Variants in CYYR1 observed in about 807,000 individuals in gnomAD.
The protein encoded by CYYR1 is cysteine and tyrosine rich 1.
A neutral mutation model predicts 15.2 loss-of-function variants in CYYR1; 14 were observed. That is an observed-to-expected ratio of 0.92 (90% CI 0.61 to 1.44). The LOEUF is 1.44. Ranked by LOEUF, CYYR1 falls within the 40% of genes most tolerant of loss-of-function variation. The pLI is 0.00. For synonymous variants in CYYR1, 80 were observed against 77.4 expected (o/e 1.03, Z -0.18); for missense variants, 228 against 209.5 (o/e 1.09, Z -0.54).
intron 2 of CYYR1, among the ~76,000 whole-genome samples, chr21:26,546,490 A>G (rs1249629986): frequency 1.3e-5 from 2 of 152,152 alleles, no homozygotes; most frequent in African/African-American, 4.8e-5. Context: ...CTATTCCTAT[A>G]TTGGAATGGC....
Position 26,495,723 on chromosome 21 carries a change from G to GT in CYYR1, c.177-15295dup, listed in dbSNP as rs551678321. On this transcript the variant is annotated intron_variant, in intron 2 of 3. Coordinates refer to ENST00000652641, the MANE Select transcript of CYYR1 (RefSeq NM_001320768.2). ...GTTGACGTGATCAAGAAATGAAAGTGTATTTGGCTAAGCCACAGAGATTTC... is the reference window on the plus strand; with the variant it reads ...GTTGACGTGATCAAGAAATGAAAGTGTTATTTGGCTAAGCCACAGAGATTTC... Among the ~76,000 whole-genome samples, 7 of 152,320 alleles carry GT rather than the reference G, an allele frequency of 4.6e-5. No individual in the cohort carries two copies. The East Asian group carries it at 1.2e-3, about 25-fold the overall frequency.
intron 2 of CYYR1, among the ~76,000 whole-genome samples, chr21:26,562,763 G>T (rs1179192575): frequency 1.8e-5 from 2 of 111,070 alleles, no homozygotes; most frequent in East Asian, 2.6e-4. Context: ...CACACACAGA[G>T]ACATACACAA....
At chr21:26,493,325 T>C (rs1042909396) in intron 2 of CYYR1, among the ~76,000 whole-genome samples, 18 of 152,114 alleles carry the variant, frequency 1.2e-4, no homozygotes, top group Middle Eastern at 3.2e-3. Context: ...GAGAGTGGAT[T>C]TGATGGGTAC....
intron 2 of CYYR1, among the ~76,000 whole-genome samples, chr21:26,491,884 T>C (rs1295251946): frequency 1.3e-5 from 2 of 152,154 alleles, no homozygotes; most frequent in Non-Finnish European, 2.9e-5. Context: ...CTGTGACTGA[T>C]CGCTGTCTGC....
chr21:26,543,909 A>T (rs1043032773), intron 2 of CYYR1, among the ~76,000 whole-genome samples: 123 of 151,974 alleles, frequency 8.1e-4, no homozygotes, highest in African/African-American at 2.7e-3. Flanking sequence ...CCATCTCAAA[A>T]AATAATAATA....
chr21:26,538,666 C>T (rs1233097784), intron 2 of CYYR1, among the ~76,000 whole-genome samples: 1 of 152,064 alleles, frequency 6.6e-6, no homozygotes. Flanking sequence ...CAGAAAAACC[C>T]CATTTGGGAG....
At chr21:26,495,423 A>C (rs759242041) in intron 2 of CYYR1, among the ~76,000 whole-genome samples, 2 of 152,212 alleles carry the variant, frequency 1.3e-5, no homozygotes, top group Non-Finnish European at 2.9e-5. Context: ...ACTTTTCCCA[A>C]CAGACTTAAA....
intron 2 of CYYR1, chr21:26,482,500 G>C (rs1224065193): frequency 1.0e-6 from 1 of 985,068 alleles, no homozygotes; most frequent in Admixed American, 6.2e-5. Context: ...CCTGTTTGCT[G>C]GTCCTCACAT....
At chr21:26,520,000 A>C (rs1043815118) in intron 2 of CYYR1, among the ~76,000 whole-genome samples, 50 of 151,802 alleles carry the variant, frequency 3.3e-4, no homozygotes, top group Non-Finnish European at 3.5e-4. Flanking sequence ...TCAATGACGG[A>C]TTGGAAAAAG....
intron 2 of CYYR1, among the ~76,000 whole-genome samples, chr21:26,542,370 G>C (rs1041181395): frequency 2.7e-5 from 4 of 150,456 alleles, no homozygotes; most frequent in African/African-American, 9.7e-5. Context: ...TTTAAATTTT[G>C]AAAATTTATC....
At chr21:26,524,895 T>C (rs973269382) in intron 2 of CYYR1, among the ~76,000 whole-genome samples, 7 of 152,188 alleles carry the variant, frequency 4.6e-5, no homozygotes, top group African/African-American at 1.7e-4. Context: ...GTCAATGTCA[T>C]GCTCACTTTA....
At chr21:26,495,354 T>C (rs1046814910) in intron 2 of CYYR1, among the ~76,000 whole-genome samples, 1 of 152,166 alleles carries the variant, frequency 6.6e-6, no homozygotes, top group Non-Finnish European at 1.5e-5. Context: ...TTGCCAAATA[T>C]CTGCGCTAGG....
At chr21:26,541,737 G>A (rs1978561254) in intron 2 of CYYR1, among the ~76,000 whole-genome samples, 1 of 152,144 alleles carries the variant, frequency 6.6e-6, no homozygotes, top group Non-Finnish European at 1.5e-5. Flanking sequence ...TGTAATAAAC[G>A]TGAAAATACA....
chr21:26,499,155 T>G (rs1188561748), intron 2 of CYYR1, among the ~76,000 whole-genome samples: 1 of 152,248 alleles, frequency 6.6e-6, no homozygotes, highest in East Asian at 1.9e-4. Flanking sequence ...TCTAATTCCC[T>G]GAACCATATT....
Position 26,497,968 on chromosome 21 carries a change from T to C in CYYR1, c.177-17539A>G, listed in dbSNP as rs189836828. Among the ~76,000 whole-genome samples the C allele has an allele frequency of 4.6e-3, 699 of 152,326 alleles. 6 individuals carry two copies. Among genetic ancestry groups the C allele is most frequent in the African/African-American group, 0.012 (482 of 41,592 alleles). On this transcript the variant is annotated intron_variant, in intron 2 of 3. Transcript: ENST00000652641. ...TGTCTTATTCAGGTGACATATGTCA[T>C]TTGTATCATATGTTTTTATTTGGTT...
chr21:26,516,676 G>A (rs1204455735), intron 2 of CYYR1, among the ~76,000 whole-genome samples: 1 of 152,132 alleles, frequency 6.6e-6, no homozygotes, highest in Non-Finnish European at 1.5e-5. Context: ...TTGGCCTCTG[G>A]AATGTTTGAT....
intron 2 of CYYR1, among the ~76,000 whole-genome samples, chr21:26,506,094 A>T (rs187337958): frequency 3.3e-5 from 5 of 152,274 alleles, no homozygotes; most frequent in Admixed American, 3.3e-4. Flanking sequence ...CATTGTGCCC[A>T]TTACAGTCAA....
At chr21:26,540,199 ACAACTG>A (rs1474165225) in intron 2 of CYYR1, among the ~76,000 whole-genome samples, 1 of 152,202 alleles carries the variant, frequency 6.6e-6, no homozygotes, top group East Asian at 1.9e-4. Flanking sequence ...ACCACGGATC[ACAACTG>A]CAAGCTCTTA....
At chr21:26,504,830 T>A (rs1393357907) in intron 2 of CYYR1, among the ~76,000 whole-genome samples, 3 of 152,168 alleles carry the variant, frequency 2.0e-5, no homozygotes, top group Non-Finnish European at 4.4e-5. Flanking sequence ...CAGCCTCTGG[T>A]AACCACCCTT....
Sources: allele counts gnomAD v4.1 joint callset (sites outside exome capture counted in the v4.1 genomes callset), GRCh38; gene constraint gnomAD v4.1.1; transcripts MANE v1.5; gene names NCBI Gene and HGNC (gene_info 2026-07-23, HGNC 2026-07-21).